Variants in LRRC52 observed in about 807,000 individuals in gnomAD.
LRRC52 encodes leucine rich repeat containing 52, also known as leucine-rich repeat-containing protein 52.
LRRC52 carries 15 observed loss-of-function variants against 14.7 expected under a neutral mutation model. The observed-to-expected ratio is 1.02, with a 90% confidence interval of 0.68 to 1.58. The LOEUF is 1.58. LRRC52 is among the 40% of genes most tolerant of loss of function. The pLI is 0.00. For synonymous variants in LRRC52, 180 were observed against 163.9 expected (o/e 1.10, Z -0.75); for missense variants, 400 against 387.7 (o/e 1.03, Z -0.27).
intron 1 of LRRC52, among the ~76,000 whole-genome samples, chr1:165,558,554 G>A (rs1262019845): frequency 1.3e-5 from 2 of 152,160 alleles, no homozygotes; most frequent in African/African-American, 4.8e-5. Flanking sequence ...ATAGTGCCTA[G>A]CACATGTCAG....
intron 1 of LRRC52, among the ~76,000 whole-genome samples, chr1:165,551,917 C>T (rs1661138744): frequency 6.6e-6 from 1 of 150,822 alleles, no homozygotes. Context: ...CGTTATTCCA[C>T]TATCAATGCT....
intron 1 of LRRC52, among the ~76,000 whole-genome samples, chr1:165,553,819 C>A (rs986134630): frequency 2.0e-5 from 3 of 152,140 alleles, no homozygotes; most frequent in African/African-American, 7.2e-5. Context: ...CAATTGGTGC[C>A]TGTATTTCTC....
At position 165,563,485 on chromosome 1, in the gene LRRC52, T is replaced by A. The variant is rs758136466; in HGVS notation, c.623-20T>A. ...AGTCACGCTGTTTCAGCACCCTGCC[T>A]GCTGTGTTTTTCTTCTTAGATGATC... On this transcript the variant is annotated intron_variant, in intron 1 of 1. Coordinates refer to ENST00000294818, the MANE Select transcript of LRRC52 (RefSeq NM_001005214.4). The A allele has an allele frequency of 6.3e-7, 1 of 1,597,594 alleles. No individual in the cohort carries two copies. Among genetic ancestry groups the A allele is most frequent in the East Asian group, 2.2e-5 (1 of 44,704 alleles).
chr1:165,560,456 T>C (rs1220770724), intron 1 of LRRC52, among the ~76,000 whole-genome samples: 1 of 152,238 alleles, frequency 6.6e-6, no homozygotes, highest in African/African-American at 2.4e-5. Context: ...ACATGGTTTA[T>C]ACCTTTAAGA....
Position 165,544,426 on chromosome 1 carries a change from T to C in LRRC52, c.130T>C (p.Leu44=). 1 of 1,614,116 alleles carries C rather than the reference T, an allele frequency of 6.2e-7. No individual in the cohort carries two copies. Among genetic ancestry groups the C allele is most frequent in the Non-Finnish European group, 8.5e-7 (1 of 1,180,008 alleles). The change falls in exon 1 of 2, where the codon TTA becomes CTA. Residue 44 remains leucine (L), a synonymous_variant. Coordinates refer to ENST00000294818, the MANE Select transcript of LRRC52 (RefSeq NM_001005214.4). ...AQEVICTGKQ[L]TEYPLDIPLN... is the part of the protein sequence containing the mutation. The stretch of plus-strand genomic sequence containing the variant: ...AGAAGTAATCTGCACAGGGAAGCAG[T>C]TAACCGAATACCCCCTTGACATACC...
At chr1:165,550,588 G>A (rs1661111917) in intron 1 of LRRC52, among the ~76,000 whole-genome samples, 2 of 152,162 alleles carry the variant, frequency 1.3e-5, no homozygotes, top group South Asian at 4.1e-4. Flanking sequence ...ATAGAGAAAA[G>A]CCCAGCACAG....
chr1:165,560,897 G>A (rs1342612146), intron 1 of LRRC52, among the ~76,000 whole-genome samples: 1 of 152,174 alleles, frequency 6.6e-6, no homozygotes, highest in Admixed American at 6.5e-5. Context: ...AATGGTCTGG[G>A]TGTTATTCTG....
intron 1 of LRRC52, among the ~76,000 whole-genome samples, chr1:165,554,196 A>ATG (rs1661188203): frequency 6.6e-6 from 1 of 152,316 alleles, no homozygotes; most frequent in East Asian, 1.9e-4. Context: ...TGTTCAATTA[A>ATG]TGCTAGCTGT....
At chr1:165,549,379 G>T (rs544365099) in intron 1 of LRRC52, among the ~76,000 whole-genome samples, 4 of 152,240 alleles carry the variant, frequency 2.6e-5, no homozygotes, top group African/African-American at 9.6e-5. Flanking sequence ...TCACCTACAT[G>T]GTATAACTGA....
chr1:165,546,180 G>A (rs899087553), intron 1 of LRRC52, among the ~76,000 whole-genome samples: 2 of 151,724 alleles, frequency 1.3e-5, no homozygotes, highest in Non-Finnish European at 2.9e-5. Context: ...AGGCAAGCAG[G>A]GCTTTTAGGA....
chr1:165,546,671 T>A (rs1048135886), intron 1 of LRRC52, among the ~76,000 whole-genome samples: 25 of 152,010 alleles, frequency 1.6e-4, no homozygotes, highest in African/African-American at 5.1e-4. Flanking sequence ...CCACCCCAGA[T>A]GACAAGAGTA....
chr1:165,544,208 T>TACCCCCCCCC lies in LRRC52; in HGVS notation c.-89_-88insACCCCCCCCC. On this transcript the variant is annotated 5_prime_UTR_variant, in exon 1 of 2. Transcript: ENST00000294818. ...GTGTTACAGTTCTTTCCAGAGCCCC[T>TACCCCCCCCC]CCCCCGCCCCACCCCCCCACCGGCA... 1 of 448,100 alleles carries TACCCCCCCCC rather than the reference T, an allele frequency of 2.2e-6. No homozygotes were observed. The highest frequency in any genetic ancestry group is 4.2e-6 in the Non-Finnish European group (1 of 235,722). 27.8% of individuals were successfully genotyped at this position (448,100 alleles called of 1,614,324 possible). A position where few individuals can be genotyped will look rare whatever the true frequency, so the allele number is the denominator to read the frequency against.
rs1024994183 is a variant in LRRC52, at chr1:165,544,276, G to A, written c.-21G>A. On this transcript the variant is annotated 5_prime_UTR_variant, in exon 1 of 2. Coordinates refer to ENST00000294818, the MANE Select transcript of LRRC52 (RefSeq NM_001005214.4). ...CAGAGCCCGCAGGAAGGTGAAAGGA[G>A]GGTGGTTGTGGCTTCTTACTATGTC... 1.2e-6 allele frequency: 2 copies of A among 1,603,470 alleles called. No individual in the cohort carries two copies. The highest frequency in any genetic ancestry group is 2.7e-5 in the African/African-American group (2 of 74,448).
At chr1:165,553,289 A>G (rs1188565385) in intron 1 of LRRC52, among the ~76,000 whole-genome samples, 1 of 152,210 alleles carries the variant, frequency 6.6e-6, no homozygotes, top group Non-Finnish European at 1.5e-5. Flanking sequence ...CATGGAAGCC[A>G]AAGAGTTCCA....
At chr1:165,549,293 C>T (rs986103788) in intron 1 of LRRC52, among the ~76,000 whole-genome samples, 2 of 152,176 alleles carry the variant, frequency 1.3e-5, no homozygotes, top group African/African-American at 4.8e-5. Context: ...AGCTCCACTT[C>T]CAGAGGCAGG....
At chr1:165,545,842 G>A (rs142824514) in intron 1 of LRRC52, among the ~76,000 whole-genome samples, 20 of 152,210 alleles carry the variant, frequency 1.3e-4, no homozygotes, top group African/African-American at 4.8e-4. Context: ...CTCACAGAAA[G>A]TCTGGAGCCA....
chr1:165,556,854 T>C (rs958466969), intron 1 of LRRC52, among the ~76,000 whole-genome samples: 2 of 152,212 alleles, frequency 1.3e-5, no homozygotes, highest in Non-Finnish European at 2.9e-5. Flanking sequence ...TGAGCAGTCA[T>C]ATTGCCCAAC....
intron 1 of LRRC52, among the ~76,000 whole-genome samples, chr1:165,562,476 G>A (rs566430325): frequency 6.6e-6 from 1 of 152,152 alleles, no homozygotes; most frequent in East Asian, 1.9e-4. Flanking sequence ...ATAGGGCTCC[G>A]AGGATTCCGT....
At chr1:165,546,239 T>C (rs1292929881) in intron 1 of LRRC52, among the ~76,000 whole-genome samples, 1 of 151,806 alleles carries the variant, frequency 6.6e-6, no homozygotes, top group East Asian at 1.9e-4. Context: ...GAATAAGACA[T>C]TGTGAGTCAG....
Sources: gnomAD v4.1 joint callset for allele counts (sites outside exome capture counted in the v4.1 genomes callset) on GRCh38, gnomAD v4.1.1 for gene constraint, MANE v1.5 for transcripts, NCBI Gene and HGNC (gene_info 2026-07-23, HGNC 2026-07-21) for gene names.